The following SYT9 variants were observed in gnomAD, a reference collection of about 807,000 sequenced individuals.
SYT9 encodes the protein synaptotagmin 9.
SYT9 carries 22 observed loss-of-function variants against 48.4 expected under a neutral mutation model. The observed-to-expected ratio is 0.45, with a 90% CI of 0.32 to 0.65. SYT9 has a LOEUF of 0.65. Ranked by LOEUF, SYT9 falls within the 30% of genes least tolerant of loss-of-function variation. SYT9 has a pLI of 0.03. For synonymous variants in SYT9, 265 were observed against 245.0 expected, an observed-to-expected ratio of 1.08 and a Z score of -0.76; for missense variants, 577 against 622.0, an observed-to-expected ratio of 0.93 and a Z score of 0.77.
At chr11:7,411,267 G>C (rs1847132406) in intron 3 of SYT9, among the ~76,000 whole-genome samples, 1 of 152,032 alleles carries the variant, frequency 6.6e-6, no homozygotes. Flanking sequence ...ATTTTGGTTT[G>C]GTTGTTTTCT....
intron 3 of SYT9, among the ~76,000 whole-genome samples, chr11:7,404,789 T>C (rs1846969286): frequency 6.6e-6 from 1 of 152,022 alleles, no homozygotes; most frequent in African/African-American, 2.4e-5. Flanking sequence ...TTCATAAAGG[T>C]GGGAAGGAGT....
chr11:7,312,386 G>A (rs1849153748), intron 2 of SYT9, among the ~76,000 whole-genome samples: 1 of 152,100 alleles, frequency 6.6e-6, no homozygotes, highest in Admixed American at 6.5e-5. Flanking sequence ...TCACCTTCTA[G>A]TAAAGAGGCT....
chr11:7,268,913 A>G (rs973093827), intron 1 of SYT9, among the ~76,000 whole-genome samples: 2 of 152,178 alleles, frequency 1.3e-5, no homozygotes, highest in South Asian at 2.1e-4. Flanking sequence ...GAGACTACTA[A>G]TCTACTTTCT....
chr11:7,441,184 C>G (rs1023661130), intron 6 of SYT9: 1 of 152,214 alleles, frequency 6.6e-6, no homozygotes, highest in African/African-American at 2.4e-5. Context: ...GCCTGAAGAG[C>G]TGTGTACCTA....
At chr11:7,379,582 GAAGTT>G (rs1850522056) in intron 3 of SYT9, among the ~76,000 whole-genome samples, 1 of 152,056 alleles carries the variant, frequency 6.6e-6, no homozygotes, top group African/African-American at 2.4e-5. Flanking sequence ...GAATCATGAA[GAAGTT>G]TAGTTTCTCT....
At chr11:7,279,567 C>T (rs942288314) in intron 1 of SYT9, among the ~76,000 whole-genome samples, 8 of 152,104 alleles carry the variant, frequency 5.3e-5, no homozygotes, top group East Asian at 1.9e-4. Context: ...GACCACCTCC[C>T]GCCTTCAGAG....
chr11:7,399,348 A>G (rs942977078), intron 3 of SYT9, among the ~76,000 whole-genome samples: 1 of 152,196 alleles, frequency 6.6e-6, no homozygotes, highest in Admixed American at 6.5e-5. Flanking sequence ...GATCTCAATC[A>G]TGTATTGAAA....
Position 7,252,292 on chromosome 11 carries a change from C to T in SYT9, c.106C>T (p.His36Tyr), listed in dbSNP as rs768044784. The T allele has an allele frequency of 4.6e-6, 7 of 1,514,488 alleles. No homozygotes were observed. The highest frequency in any genetic ancestry group is 2.5e-5 in the South Asian group (2 of 80,068). 93.8% of individuals were successfully genotyped at this position (1,514,488 alleles called of 1,614,324 possible). A position where few individuals can be genotyped will look rare whatever the true frequency, so the allele number is the denominator to read the frequency against. The stretch of plus-strand genomic sequence containing the variant: ...CGACAGCTGCCAGGATTTCATTTAC[C>T]ACCTGCGGGACCGTGCCAGACCCCG... ...EHDSCQDFIY[H>Y]LRDRARPRLR... The change falls in exon 1 of 7, where the codon CAC becomes TAC. Residue 36 changes from histidine (H) to tyrosine (Y), a missense_variant. By Grantham distance (83) the His-to-Tyr change is moderately conservative. Transcript: ENST00000318881. This position sits in a 1 kb window ranked among gnomAD's most constrained non-coding sequence, Gnocchi z 6.3.
chr11:7,243,853 G>A (rs1847765682), intron 1 of SYT9, among the ~76,000 whole-genome samples: 2 of 152,154 alleles, frequency 1.3e-5, no homozygotes, highest in South Asian at 4.1e-4. Flanking sequence ...TCTCTTTGGA[G>A]CATCCAGAGT....
intron 1 of SYT9, among the ~76,000 whole-genome samples, chr11:7,290,283 T>C (rs1433494490): frequency 6.6e-6 from 1 of 152,222 alleles, no homozygotes; most frequent in Non-Finnish European, 1.5e-5. Flanking sequence ...CAAGACTATT[T>C]GGAACTATCA....
At chr11:7,435,044 A>T (rs1274266895) in intron 6 of SYT9, 1 of 152,170 alleles carries the variant, frequency 6.6e-6, no homozygotes, top group Non-Finnish European at 1.5e-5. Context: ...AGAAATAATA[A>T]TTCAGAGAAA....
intron 3 of SYT9, among the ~76,000 whole-genome samples, chr11:7,332,373 T>A (rs555442377): frequency 1.3e-5 from 2 of 152,194 alleles, no homozygotes; most frequent in Non-Finnish European, 1.5e-5. Flanking sequence ...CCAAGAAATA[T>A]AGAGCCATGA....
At chr11:7,414,846 A>C (rs375907936) in intron 3 of SYT9, among the ~76,000 whole-genome samples, 5 of 152,270 alleles carry the variant, frequency 3.3e-5, no homozygotes, top group African/African-American at 1.2e-4. Flanking sequence ...AGAACTGAGA[A>C]GGGGAGGGAA....
intron 3 of SYT9, among the ~76,000 whole-genome samples, chr11:7,337,269 G>A (rs867841149): frequency 6.6e-6 from 1 of 151,946 alleles, no homozygotes; most frequent in Admixed American, 6.6e-5. Context: ...ATTTTTTTAG[G>A]TATAGGTTCA....
chr11:7,303,867 C>T (rs1372663717), intron 2 of SYT9, among the ~76,000 whole-genome samples: 1 of 152,174 alleles, frequency 6.6e-6, no homozygotes, highest in African/African-American at 2.4e-5. Context: ...CTGACCTATC[C>T]TAACAGTCAC....
intron 1 of SYT9, among the ~76,000 whole-genome samples, chr11:7,244,235 C>G (rs932504903): frequency 2.6e-5 from 4 of 152,192 alleles, no homozygotes; most frequent in African/African-American, 9.7e-5. Context: ...GGACTTACAA[C>G]TTTATAATTG....
At chr11:7,300,559 C>T (rs1040331399) in intron 1 of SYT9, among the ~76,000 whole-genome samples, 2 of 152,350 alleles carry the variant, frequency 1.3e-5, no homozygotes, top group Admixed American at 6.5e-5. Context: ...CAGTGTGCCC[C>T]TTCTCCAGCC....
At chr11:7,412,036 C>T in intron 3 of SYT9, among the ~76,000 whole-genome samples, 1 of 151,888 alleles carries the variant, frequency 6.6e-6, no homozygotes, top group East Asian at 1.9e-4. Flanking sequence ...TTCTTCAGTT[C>T]CGGAATTTAT....
chr11:7,311,230 A>G (rs1849127635), intron 2 of SYT9, among the ~76,000 whole-genome samples: 1 of 152,118 alleles, frequency 6.6e-6, no homozygotes, highest in African/African-American at 2.4e-5. Flanking sequence ...TCAACCCGGG[A>G]GGTGGAGGTT....
Sources: allele counts gnomAD v4.1 joint callset (sites outside exome capture counted in the v4.1 genomes callset), GRCh38; gene constraint gnomAD v4.1.1; non-coding constraint Gnocchi (gnomAD v3.1); transcripts MANE v1.5; gene names NCBI Gene and HGNC (gene_info 2026-07-23, HGNC 2026-07-21).